Variants in TMEM132D observed in about 807,000 individuals in gnomAD.
TMEM132D encodes the protein mature OL transmembrane protein.
Under a neutral mutation model 62.3 loss-of-function variants are expected in TMEM132D, and 21 were observed. The ratio of observed to expected loss-of-function variants is 0.34; its 90% CI spans 0.24 to 0.49. The LOEUF is 0.49. Ranked by LOEUF, TMEM132D falls within the 20% of genes least tolerant of loss-of-function variation. The pLI, the probability that TMEM132D is intolerant of heterozygous loss-of-function variation, is 0.99. For synonymous variants in TMEM132D, 621 were observed against 575.6 expected (o/e 1.08, Z -1.13); for missense variants, 1,346 against 1,402.8 (o/e 0.96, Z 0.65).
intron 3 of TMEM132D, among the ~76,000 whole-genome samples, chr12:129,453,780 C>T (rs1873377444): frequency 6.6e-6 from 1 of 152,172 alleles, no homozygotes; most frequent in Admixed American, 6.5e-5. Flanking sequence ...TGGCTTGCGT[C>T]CTACGTTGAC....
Position 129,779,370 on chromosome 12 carries a change from C to T in TMEM132D, c.80-78672G>A, listed in dbSNP as rs1871046838. On this transcript the variant is annotated intron_variant, in intron 1 of 8. Transcript: ENST00000422113. The surrounding 1 kb of genome is among the most constrained non-coding windows in gnomAD (Gnocchi z 4.1). ...GTGGTGTTATCTCTGCTCACTACAA[C>T]CTCCACTTCCTGGGTTCAGGTGATC... Among the ~76,000 whole-genome samples, 2 of 152,200 alleles carry T rather than the reference C, an allele frequency of 1.3e-5. No homozygotes were observed. The highest frequency in any genetic ancestry group is 4.1e-4 in the South Asian group (2 of 4,828).
At chr12:129,332,558 T>C (rs1463578219) in intron 4 of TMEM132D, among the ~76,000 whole-genome samples, 1 of 152,192 alleles carries the variant, frequency 6.6e-6, no homozygotes, top group Non-Finnish European at 1.5e-5. Context: ...TCCAGCATTA[T>C]TTTTGAAGAC....
chr12:129,097,537 A>G (rs1219865503), intron 5 of TMEM132D, among the ~76,000 whole-genome samples: 1 of 152,262 alleles, frequency 6.6e-6, no homozygotes, highest in Non-Finnish European at 1.5e-5. Context: ...AGCATCTTCC[A>G]CAAAGAACAA....
chr12:129,562,855 A>C (rs1443966933), intron 2 of TMEM132D, among the ~76,000 whole-genome samples: 1 of 152,180 alleles, frequency 6.6e-6, no homozygotes, highest in Non-Finnish European at 1.5e-5. Context: ...GGTTTACAGA[A>C]AGTCCTCTTG....
At chr12:129,741,247 A>T (rs1200295345) in intron 1 of TMEM132D, among the ~76,000 whole-genome samples, 1 of 152,136 alleles carries the variant, frequency 6.6e-6, no homozygotes, top group Non-Finnish European at 1.5e-5. Context: ...CTTCAGCCTC[A>T]ATTTTCCAGT....
In TMEM132D at chr12:129,226,934, C is replaced by T. The variant is rs555214004; in HGVS notation, c.1300-17271G>A. Among the ~76,000 whole-genome samples, 78 of 152,276 alleles carry T rather than the reference C, an allele frequency of 5.1e-4. 3 individuals carry two copies. The South Asian group carries it at 0.016, about 31-fold the overall frequency. ...CATTCTGAGCCGCCTGAAGAAATCT[C>T]CTGTATCACAAAAGCACTGCTTCGT... On this transcript the variant is annotated intron_variant, in intron 4 of 8. Coordinates refer to ENST00000422113, the MANE Select transcript of TMEM132D (RefSeq NM_133448.3).
intron 4 of TMEM132D, among the ~76,000 whole-genome samples, chr12:129,299,787 G>A (rs1355992643): frequency 6.6e-6 from 1 of 152,078 alleles, no homozygotes; most frequent in Non-Finnish European, 1.5e-5. Context: ...TCTCATGGTG[G>A]TGCTAAAAAA....
At chr12:129,266,660 T>A (rs1229971785) in intron 4 of TMEM132D, among the ~76,000 whole-genome samples, 2 of 148,402 alleles carry the variant, frequency 1.3e-5, no homozygotes, top group Non-Finnish European at 3.0e-5. Context: ...CCTCATCCAG[T>A]TTACCAGCAT....
chr12:129,865,063 T>C (rs2079921629), intron 1 of TMEM132D, among the ~76,000 whole-genome samples: 1 of 152,128 alleles, frequency 6.6e-6, no homozygotes, highest in Admixed American at 6.5e-5. Flanking sequence ...GAAATCCAGA[T>C]AATAAGCAGA....
At chr12:129,851,087 G>A (rs995095038) in intron 1 of TMEM132D, among the ~76,000 whole-genome samples, 3 of 152,124 alleles carry the variant, frequency 2.0e-5, no homozygotes, top group African/African-American at 7.2e-5. Flanking sequence ...ATATTAGCTC[G>A]GAAAATATAG....
intron 3 of TMEM132D, among the ~76,000 whole-genome samples, chr12:129,449,064 CTTGT>C (rs1220073085): frequency 1.3e-5 from 2 of 152,154 alleles, no homozygotes; most frequent in East Asian, 1.9e-4. Flanking sequence ...AGGCCACCTT[CTTGT>C]TTGTTTTTCT....
intron 4 of TMEM132D, among the ~76,000 whole-genome samples, chr12:129,290,768 A>G (rs1881428495): frequency 6.6e-6 from 1 of 152,226 alleles, no homozygotes; most frequent in South Asian, 2.1e-4. Flanking sequence ...ATAAAAGCAG[A>G]CAGTCTGTTA....
intron 5 of TMEM132D, among the ~76,000 whole-genome samples, chr12:129,139,724 C>T (rs1876681924): frequency 6.6e-6 from 1 of 152,184 alleles, no homozygotes; most frequent in Non-Finnish European, 1.5e-5. Flanking sequence ...CAGGACGTTG[C>T]TCTGTTGCCC....
At chr12:129,784,718 G>A (rs1440855134) in intron 1 of TMEM132D, among the ~76,000 whole-genome samples, 1 of 152,196 alleles carries the variant, frequency 6.6e-6, no homozygotes, top group Non-Finnish European at 1.5e-5. Flanking sequence ...TCCCCTGGGT[G>A]AATTGAAGAT....
intron 3 of TMEM132D, among the ~76,000 whole-genome samples, chr12:129,457,537 C>T (rs1381520386): frequency 6.6e-6 from 1 of 151,324 alleles, no homozygotes; most frequent in Non-Finnish European, 1.5e-5. Flanking sequence ...CACATGTATA[C>T]ATATGTAACA....
At chr12:129,491,083 G>C (rs151118450) in intron 3 of TMEM132D, among the ~76,000 whole-genome samples, 1,767 of 152,202 alleles carry the variant, frequency 0.012, 37 homozygotes, top group African/African-American at 0.041. Flanking sequence ...TATACGACTT[G>C]ATACAATGGA....
chr12:129,830,137 T>C (rs1261416075), intron 1 of TMEM132D, among the ~76,000 whole-genome samples: 1 of 152,184 alleles, frequency 6.6e-6, no homozygotes, highest in African/African-American at 2.4e-5. Flanking sequence ...CAATATCTAC[T>C]TCATTCAGTC....
chr12:129,874,154 A>C (rs1874338450), intron 1 of TMEM132D, among the ~76,000 whole-genome samples: 2 of 152,242 alleles, frequency 1.3e-5, no homozygotes, highest in African/African-American at 4.8e-5. Context: ...GTAAATATTA[A>C]GTCTTCTTAC....
At chr12:129,538,481 C>A (rs1161572411) in intron 2 of TMEM132D, among the ~76,000 whole-genome samples, 1 of 152,138 alleles carries the variant, frequency 6.6e-6, no homozygotes, top group African/African-American at 2.4e-5. Flanking sequence ...CCCACTCTAT[C>A]CTTGGAGGAT....
Sources: allele counts gnomAD v4.1 joint callset (sites outside exome capture counted in the v4.1 genomes callset), GRCh38; gene constraint gnomAD v4.1.1; non-coding constraint Gnocchi (gnomAD v3.1); transcripts MANE v1.5; gene names NCBI Gene and HGNC (gene_info 2026-07-23, HGNC 2026-07-21).